TMEM201: variants seen among roughly 807,000 people sequenced by gnomAD.
TMEM201 encodes RP13-15M17.2.
A neutral mutation model predicts 63.4 loss-of-function variants in TMEM201; 26 were observed. That is an observed-to-expected ratio of 0.41 (90% CI 0.30 to 0.57). TMEM201 has a LOEUF of 0.57. TMEM201 is among the 20% of genes least tolerant of loss of function. TMEM201 has a pLI of 0.29. For missense variants in TMEM201, 794 were observed against 917.7 expected, an observed-to-expected ratio of 0.87 and a Z score of 1.74; for synonymous variants, 417 against 421.6, an observed-to-expected ratio of 0.99 and a Z score of 0.14.
At chr1:9,611,571 A>G (rs545070473) in intron 9 of TMEM201, among the ~76,000 whole-genome samples, 182 bp from the exon 10 acceptor site, 1 of 152,328 alleles carries the variant, frequency 6.6e-6, no homozygotes, top group East Asian at 1.9e-4. Context: ...ACTGGCAGAC[A>G]AGAGGTGGCA....
At chr1:9,598,697 G>C (rs1281122895) in intron 4 of TMEM201, 72 bp downstream of exon 4, 2 of 1,482,980 alleles carry the variant, frequency 1.3e-6, no homozygotes, top group Admixed American at 1.9e-5. Context: ...AGGAGGCTGG[G>C]CACTAGTGAC....
At chr1:9,600,303 G>T (rs1644112765) in intron 4 of TMEM201, among the ~76,000 whole-genome samples, 1 of 152,170 alleles carries the variant, frequency 6.6e-6, no homozygotes. Flanking sequence ...AAACCCTGGA[G>T]CCACTGCATA....
In TMEM201 at chr1:9,602,081, C is replaced by T. The variant is rs781081301; in HGVS notation, c.969C>T (p.Ile323=). 9.3e-6 allele frequency: 15 copies of T among 1,611,712 alleles called. No homozygotes were observed. The highest frequency in any genetic ancestry group is 2.2e-5 in the East Asian group (1 of 44,818). ...LLAGRIRLRR[I]DAFCTCLWAL... ...GCTTCCCTTTCAGGCTCCGGAGGAT[C>T]GATGCCTTCTGCACCTGCCTGTGGG... Residue 323 remains isoleucine (I), a synonymous_variant, in exon 6 of 11, where the codon ATC becomes ATT. Coordinates refer to ENST00000340381, the MANE Select transcript of TMEM201 (RefSeq NM_001130924.3).
At chr1:9,612,628 C>T (rs567305900) in intron 10 of TMEM201, among the ~76,000 whole-genome samples, 9 of 152,334 alleles carry the variant, frequency 5.9e-5, no homozygotes, top group South Asian at 4.1e-4. Flanking sequence ...GCTGCTTATT[C>T]CCTTGGAGGC....
chr1:9,601,083 C>T (rs748459265), intron 4 of TMEM201, 22 bp from the exon 5 acceptor site: 18 of 1,561,596 alleles, frequency 1.2e-5, no homozygotes, highest in Admixed American at 7.0e-5. Flanking sequence ...CTCACTAACC[C>T]GCCTCTCTTC....
chr1:9,593,963 C>T (rs973380236), intron 1 of TMEM201, among the ~76,000 whole-genome samples: 8 of 152,236 alleles, frequency 5.3e-5, no homozygotes, highest in Non-Finnish European at 1.2e-4. Context: ...GTGCTAGATG[C>T]GGGCACCGCA....
rs1322402488 is a variant in TMEM201, at chr1:9,605,688, C to G, written c.1161-1869C>G. ...CCCCACAGCACCATCTTCAGTGGCA[C>G]CAAACTGGGAACAACAGCCCCTGTG... On this transcript the variant is annotated intron_variant, in intron 6 of 10. Transcript: ENST00000340381. The surrounding 1 kb of genome is among the most constrained non-coding windows in gnomAD (Gnocchi z 5.7). Among the ~76,000 whole-genome samples, 1 of 152,036 alleles carries G rather than the reference C, an allele frequency of 6.6e-6. No individual in the cohort carries two copies. The highest frequency in any genetic ancestry group is 2.4e-5 in the African/African-American group (1 of 41,460).
chr1:9,602,657 T>C, intron 6 of TMEM201: 1 of 1,148,816 alleles, frequency 8.7e-7, no homozygotes, highest in Non-Finnish European at 1.1e-6. Context: ...GCTCTGACAC[T>C]GTTGGGTGAG....
At chr1:9,593,818 T>TGTCC (rs1462900954) in intron 1 of TMEM201, among the ~76,000 whole-genome samples, 1 of 152,188 alleles carries the variant, frequency 6.6e-6, no homozygotes, top group Non-Finnish European at 1.5e-5. Context: ...TGCAGAGCCT[T>TGTCC]GTCCGGCTCA....
Position 9,603,035 on chromosome 1 carries a change from T to A in TMEM201, c.1160+763T>A. 1 of 985,548 alleles carries A rather than the reference T, an allele frequency of 1.0e-6. No homozygotes were observed. Among genetic ancestry groups the A allele is most frequent in the South Asian group, 4.7e-5 (1 of 21,290 alleles). 61.1% of individuals were successfully genotyped at this position (985,548 alleles called of 1,614,324 possible). A position where few individuals can be genotyped will look rare whatever the true frequency, so the allele number is the denominator to read the frequency against. ...TGAGACAGGCAGTAGGAGCCTGTGC[T>A]GACCTTGGGGAATCTGAGCTTTTCC... On this transcript the variant is annotated intron_variant, in intron 6 of 10. Transcript: ENST00000340381. This position sits in a 1 kb window ranked among gnomAD's most constrained non-coding sequence, Gnocchi z 4.5.
chr1:9,604,933 C>A lies in TMEM201; in HGVS notation c.1161-2624C>A. Reference sequence around the variant, plus strand: ...GATGCTGTGTTTTCAATAAATGCCTCTGGGGCCCTGCTTTTACCCGCTGGC... The same window carrying A: ...GATGCTGTGTTTTCAATAAATGCCTATGGGGCCCTGCTTTTACCCGCTGGC... On this transcript the variant is annotated intron_variant, in intron 6 of 10. Coordinates refer to ENST00000340381, the MANE Select transcript of TMEM201 (RefSeq NM_001130924.3). The surrounding 1 kb of genome is among the most constrained non-coding windows in gnomAD (Gnocchi z 4.1). The A allele has an allele frequency of 1.0e-6, 1 of 985,928 alleles. No individual in the cohort carries two copies. Among genetic ancestry groups the A allele is most frequent in the Non-Finnish European group, 1.2e-6 (1 of 829,964 alleles). 61.1% of individuals were successfully genotyped at this position (985,928 alleles called of 1,614,324 possible). A position where few individuals can be genotyped will look rare whatever the true frequency, so the allele number is the denominator to read the frequency against.
In TMEM201 at chr1:9,604,970, C is replaced by T. The variant is rs1232263582; in HGVS notation, c.1161-2587C>T. The stretch of plus-strand genomic sequence containing the variant: ...TTTTACCCGCTGGCGTCAGGTGCCG[C>T]GTCTTTCTTCTTTTTTCTTTCTTTC... On this transcript the variant is annotated intron_variant, in intron 6 of 10. Transcript: ENST00000340381. This position sits in a 1 kb window ranked among gnomAD's most constrained non-coding sequence, Gnocchi z 4.1. 2 of 985,830 alleles carry T rather than the reference C, an allele frequency of 2.0e-6. No homozygotes were observed. Among genetic ancestry groups the T allele is most frequent in the South Asian group, 4.7e-5 (1 of 21,290 alleles). 61.1% of individuals were successfully genotyped at this position (985,830 alleles called of 1,614,324 possible).
chr1:9,600,253 C>T (rs947248128), intron 4 of TMEM201, among the ~76,000 whole-genome samples: 1 of 152,148 alleles, frequency 6.6e-6, no homozygotes, highest in Non-Finnish European at 1.5e-5. Context: ...CAACTGAGTA[C>T]TATGATAAAA....
chr1:9,594,883 G>T (rs1643987112), intron 1 of TMEM201, among the ~76,000 whole-genome samples: 1 of 152,264 alleles, frequency 6.6e-6, no homozygotes, highest in African/African-American at 2.4e-5. Context: ...TCTCTGAGCA[G>T]CGCCTCAGGA....
rs1351978094 is a variant in TMEM201 at position 9,605,377 on chromosome 1, C to G, written c.1161-2180C>G. On this transcript the variant is annotated intron_variant, in intron 6 of 10. Transcript: ENST00000340381. The surrounding 1 kb of genome is among the most constrained non-coding windows in gnomAD (Gnocchi z 5.7). ...GGCCTCTTAGTCCCTCTCTGACACT[C>G]CCCAGAGCCAGCATCCAGGCCTGAT... 1.3e-5 allele frequency among the ~76,000 whole-genome samples: 2 copies of G among 152,036 alleles called. No individual in the cohort carries two copies. The highest frequency in any genetic ancestry group is 1.3e-4 in the Admixed American group (2 of 15,232).
intron 1 of TMEM201, among the ~76,000 whole-genome samples, chr1:9,595,191 G>A (rs1276458613): frequency 6.6e-6 from 1 of 152,186 alleles, no homozygotes; most frequent in Non-Finnish European, 1.5e-5. Context: ...GGGTAGAGGG[G>A]GGCCCAGAGC....
At chr1:9,592,076 G>A (rs946226778) in intron 1 of TMEM201, among the ~76,000 whole-genome samples, 4 of 152,242 alleles carry the variant, frequency 2.6e-5, no homozygotes, top group African/African-American at 7.2e-5. Context: ...GGATTGGGGC[G>A]TTTTCCATCC....
In TMEM201 at chr1:9,602,186, C is replaced by T. The variant is rs918544915; in HGVS notation, c.1074C>T (p.Ser358=). 6.2e-7 allele frequency: 1 copy of T among 1,613,244 alleles called. No homozygotes were observed. ...SPSWLDTLKF[S]TTSLCCLVGF... ...GCTGGCTAGACACGCTCAAGTTCAGCACCACATCTTTGTGCTGCCTGGTTG... is the reference window on the plus strand; with the variant it reads ...GCTGGCTAGACACGCTCAAGTTCAGTACCACATCTTTGTGCTGCCTGGTTG... Residue 358 remains serine (S), a synonymous_variant, in exon 6 of 11, where the codon AGC becomes AGT. Coordinates refer to ENST00000340381, the MANE Select transcript of TMEM201 (RefSeq NM_001130924.3).
Position 9,589,924 on chromosome 1 carries a change from C to T in TMEM201, c.113+881C>T, listed in dbSNP as rs553704007. Reference sequence around the variant, plus strand: ...TAGGAAAAAGGGGAGAAGGGACTTGCCCACTCAGCAGCAAGTGGCAGAGCT... The same window carrying T: ...TAGGAAAAAGGGGAGAAGGGACTTGTCCACTCAGCAGCAAGTGGCAGAGCT... On this transcript the variant is annotated intron_variant, in intron 1 of 10. Coordinates refer to ENST00000340381, the MANE Select transcript of TMEM201 (RefSeq NM_001130924.3). Among the ~76,000 whole-genome samples, 5 of 152,350 alleles carry T rather than the reference C, an allele frequency of 3.3e-5. No homozygotes were observed. The East Asian group carries it at 9.6e-4, about 29-fold the overall frequency.
Sources: allele counts gnomAD v4.1 joint callset (sites outside exome capture counted in the v4.1 genomes callset), GRCh38; gene constraint gnomAD v4.1.1; non-coding constraint Gnocchi (gnomAD v3.1); transcripts MANE v1.5; gene names NCBI Gene and HGNC (gene_info 2026-07-23, HGNC 2026-07-21).